The following TIAM2 variants were observed in gnomAD, a reference collection of about 807,000 sequenced individuals.
The protein encoded by TIAM2 is rho guanine nucleotide exchange factor TIAM2.
A neutral mutation model predicts 152.9 loss-of-function variants in TIAM2; 80 were observed. The ratio of observed to expected loss-of-function variants is 0.52; its 90% CI spans 0.44 to 0.63. The LOEUF (loss-of-function observed/expected upper bound fraction) is 0.63, where lower values mean the gene tolerates loss of function less well. Among genes scored for constraint, TIAM2 ranks in the 30% least tolerant of loss-of-function variants. TIAM2 has a pLI of 0.00. For missense variants in TIAM2, 1,965 were observed against 2,120.1 expected, an observed-to-expected ratio of 0.93 and a Z score of 1.44; for synonymous variants, 804 against 838.0, an observed-to-expected ratio of 0.96 and a Z score of 0.70.
intron 2 of TIAM2, among the ~76,000 whole-genome samples, chr6:155,092,087 C>T (rs773712268): frequency 5.3e-5 from 8 of 150,644 alleles, no homozygotes; most frequent in Middle Eastern, 3.4e-3. Context: ...TTTGTAGAGA[C>T]GAGGTCTTGC....
At chr6:155,071,777 T>A (rs1777843986) in intron 1 of TIAM2, among the ~76,000 whole-genome samples, 1 of 151,722 alleles carries the variant, frequency 6.6e-6, no homozygotes, top group Non-Finnish European at 1.5e-5. Flanking sequence ...ATGCCTGTAA[T>A]CCCAGCTACT....
chr6:155,253,339 T>C (rs1198989820), intron 24 of TIAM2: 6 of 384,432 alleles, frequency 1.6e-5, no homozygotes, highest in Non-Finnish European at 2.8e-5. Context: ...TAAAATGTGT[T>C]AGAAGAACAA....
intron 10 of TIAM2, 110 bp downstream of exon 10, chr6:155,177,087 G>A: frequency 9.5e-7 from 1 of 1,049,760 alleles, no homozygotes; most frequent in Non-Finnish European, 1.4e-6. Context: ...TTCCATGCCA[G>A]GGAACATATT....
chr6:155,132,175 C>T lies in TIAM2; in HGVS notation c.1194+1758C>T, dbSNP rs12664912. On this transcript the variant is annotated intron_variant, in intron 4 of 26. Coordinates refer to ENST00000682666, the MANE Select transcript of TIAM2 (RefSeq NM_012454.4). ...TTTGATTATTTATATAGGGGAGAAGCTTCTTTTTAAATTACTCTGTATAAG... is the reference window on the plus strand; with the variant it reads ...TTTGATTATTTATATAGGGGAGAAGTTTCTTTTTAAATTACTCTGTATAAG... 3.2e-3 allele frequency among the ~76,000 whole-genome samples: 473 copies of T among 148,822 alleles called. 3 individuals carry two copies. Among genetic ancestry groups the T allele is most frequent in the East Asian group, 0.017 (88 of 5,076 alleles).
chr6:155,214,720 G>A lies in TIAM2; in HGVS notation c.3168+3413G>A, dbSNP rs574910195. Among the ~76,000 whole-genome samples, 2 of 152,260 alleles carry A rather than the reference G, an allele frequency of 1.3e-5. No homozygotes were observed. Among genetic ancestry groups the A allele is most frequent in the East Asian group, 3.9e-4 (2 of 5,186 alleles). On this transcript the variant is annotated intron_variant, in intron 15 of 26. Transcript: ENST00000682666. The surrounding 1 kb of genome is among the most constrained non-coding windows in gnomAD (Gnocchi z 5.4). ...TTGGGAACCCAATATCATATCTAAT[G>A]TTCATTAGCTTTTTAATGAAGCAGT...
intron 14 of TIAM2, among the ~76,000 whole-genome samples, chr6:155,187,597 G>C (rs1459903200): frequency 1.2e-4 from 1 of 8,542 alleles, no homozygotes; most frequent in Non-Finnish European, 3.2e-4. Flanking sequence ...TTTTTTTTTT[G>C]AGATGAAGTT....
chr6:155,199,772 G>C (rs1781436211), intron 14 of TIAM2, among the ~76,000 whole-genome samples: 1 of 152,174 alleles, frequency 6.6e-6, no homozygotes, highest in Non-Finnish European at 1.5e-5. Context: ...GTCAGGTCTT[G>C]ACTGCGGTAG....
chr6:155,228,203 G>A (rs1283598428), intron 15 of TIAM2, among the ~76,000 whole-genome samples: 1 of 152,132 alleles, frequency 6.6e-6, no homozygotes, highest in African/African-American at 2.4e-5. Flanking sequence ...CTCCCCCTTC[G>A]AGTATGCGAC....
chr6:155,173,308 G>A (rs750399332), intron 9 of TIAM2, among the ~76,000 whole-genome samples: 26 of 151,926 alleles, frequency 1.7e-4, no homozygotes, highest in Non-Finnish European at 2.8e-4. Flanking sequence ...TTTGATAGGC[G>A]TCTTCTCTTC....
rs372799385 is a variant in TIAM2 at position 155,254,409 on chromosome 6, C to G, written c.4314-10C>G. On this transcript the variant is annotated splice_polypyrimidine_tract_variant and intron_variant, in intron 25 of 26. Coordinates refer to ENST00000682666, the MANE Select transcript of TIAM2 (RefSeq NM_012454.4). The stretch of plus-strand genomic sequence containing the variant: ...GACACTTCTGCTGTTTTCTCTCCCC[C>G]CCCACCCAGTGACAGTGAAAGCAAA... The G allele has an allele frequency of 1.6e-5, 25 of 1,610,302 alleles. No individual in the cohort carries two copies. Among genetic ancestry groups the G allele is most frequent in the African/African-American group, 4.0e-5 (3 of 74,852 alleles).
chr6:155,104,472 AGCATGGCCG>A (rs1778631618), intron 2 of TIAM2, among the ~76,000 whole-genome samples: 2 of 152,164 alleles, frequency 1.3e-5, no homozygotes. Context: ...AAGATTAGAA[AGCATGGCCG>A]GCACGGTGGG....
chr6:155,248,612 A>T (rs1008067772), intron 20 of TIAM2, among the ~76,000 whole-genome samples: 2 of 152,202 alleles, frequency 1.3e-5, no homozygotes, highest in African/African-American at 4.8e-5. Context: ...CCTTGTGGAG[A>T]TCTCTGAGCA....
chr6:155,016,387 C>T (rs892113889), intron 1 of TIAM2: 5 of 152,032 alleles, frequency 3.3e-5, no homozygotes, highest in African/African-American at 1.2e-4. Context: ...ACTATAATCC[C>T]ATTTTTGTAG....
intron 16 of TIAM2, among the ~76,000 whole-genome samples, chr6:155,241,082 G>A (rs1057449256): frequency 1.3e-5 from 2 of 152,230 alleles, no homozygotes; most frequent in Non-Finnish European, 2.9e-5. Context: ...CGTGACGGCT[G>A]ATCCAGGCCC....
At chr6:155,171,310 G>A (rs1780581940) in intron 9 of TIAM2, among the ~76,000 whole-genome samples, 1 of 152,132 alleles carries the variant, frequency 6.6e-6, no homozygotes, top group African/African-American at 2.4e-5. Flanking sequence ...TTTTCATAAC[G>A]AACGTCTGGA....
At chr6:155,166,075 C>T (rs1191560516) in intron 9 of TIAM2, among the ~76,000 whole-genome samples, 1 of 152,066 alleles carries the variant, frequency 6.6e-6, no homozygotes, top group Non-Finnish European at 1.5e-5. Flanking sequence ...GTTGATAGAG[C>T]TGTGGATTTT....
At chr6:155,075,726 C>T (rs560984523) in intron 1 of TIAM2, among the ~76,000 whole-genome samples, 2 of 152,196 alleles carry the variant, frequency 1.3e-5, no homozygotes, top group South Asian at 2.1e-4. Context: ...CATAGCCCGA[C>T]GGTAATTTTA....
intron 4 of TIAM2, 97 bp from the exon 5 acceptor site, chr6:155,137,080 T>G: frequency 1.5e-6 from 2 of 1,293,776 alleles, no homozygotes; most frequent in Admixed American, 2.6e-5. Flanking sequence ...TGCATTACAT[T>G]ATCAGCAGCC....
At chr6:155,086,119 T>G (rs1450569060) in intron 1 of TIAM2, among the ~76,000 whole-genome samples, 1 of 152,198 alleles carries the variant, frequency 6.6e-6, no homozygotes, top group Admixed American at 6.5e-5. Context: ...GAAGCTTCAT[T>G]GTTCACGTGG....
Sources: allele counts gnomAD v4.1 joint callset (sites outside exome capture counted in the v4.1 genomes callset), GRCh38; gene constraint gnomAD v4.1.1; non-coding constraint Gnocchi (gnomAD v3.1); transcripts MANE v1.5; gene names NCBI Gene and HGNC (gene_info 2026-07-23, HGNC 2026-07-21).